DYNC2H1: variants seen among roughly 807,000 people sequenced by gnomAD.
DYNC2H1 encodes cytoplasmic dynein 2 heavy chain 1.
DYNC2H1 carries 410 observed loss-of-function variants against 570.0 expected under a neutral mutation model. The observed-to-expected ratio is 0.72, with a 90% CI of 0.66 to 0.78. The LOEUF is 0.78. DYNC2H1 is among the 30% of genes least tolerant of loss of function. The probability of loss-of-function intolerance (pLI) is 0.00; values close to 1 mark genes in which losing one functional copy is unlikely to be tolerated. For missense variants in DYNC2H1, 4,865 were observed against 5,046.4 expected (o/e 0.96, Z 1.09); for synonymous variants, 1,688 against 1,677.6 (o/e 1.01, Z -0.15).
At chr11:103,420,688 G>T (rs1373081191) in intron 84 of DYNC2H1, among the ~76,000 whole-genome samples, 1 of 152,158 alleles carries the variant, frequency 6.6e-6, no homozygotes, top group East Asian at 1.9e-4. Context: ...GAGGGAATTG[G>T]TCATCACCAG....
chr11:103,391,597 T>C (rs1942153695), intron 83 of DYNC2H1, among the ~76,000 whole-genome samples: 1 of 152,228 alleles, frequency 6.6e-6, no homozygotes. Flanking sequence ...TTTCAGCTTT[T>C]CTGCTCTGTT....
At chr11:103,451,277 T>TA (rs1387402487) in intron 85 of DYNC2H1, among the ~76,000 whole-genome samples, 1 of 151,808 alleles carries the variant, frequency 6.6e-6, no homozygotes, top group Non-Finnish European at 1.5e-5. Flanking sequence ...ATGTCTTCAT[T>TA]ATTCCCTTAA....
intron 30 of DYNC2H1, 76 bp from the exon 31 acceptor site, chr11:103,165,822 G>T (rs1185252282): frequency 1.6e-6 from 2 of 1,226,430 alleles, no homozygotes; most frequent in African/African-American, 3.1e-5. Flanking sequence ...TTGAAAAAAG[G>T]TGCCTTTCTT....
chr11:103,240,001 T>A (rs1397720473), intron 63 of DYNC2H1, among the ~76,000 whole-genome samples: 1 of 149,864 alleles, frequency 6.7e-6, no homozygotes, highest in Non-Finnish European at 1.5e-5. Context: ...CAGCTCAAAA[T>A]TTATCAGCCT....
intron 87 of DYNC2H1, among the ~76,000 whole-genome samples, chr11:103,462,947 A>T (rs909452429): frequency 1.8e-4 from 28 of 152,226 alleles, no homozygotes; most frequent in African/African-American, 6.8e-4. Context: ...GTACAGCTTT[A>T]TGAATTTTCA....
intron 52 of DYNC2H1, among the ~76,000 whole-genome samples, chr11:103,208,564 T>A (rs1479420140): frequency 6.6e-6 from 1 of 152,006 alleles, no homozygotes; most frequent in Non-Finnish European, 1.5e-5. Context: ...AACATTGTAG[T>A]GGGAAATATC....
intron 17 of DYNC2H1, among the ~76,000 whole-genome samples, chr11:103,141,718 G>A (rs2435921): frequency 0.68 from 103,627 of 152,110 alleles, 36,145 homozygotes; most frequent in East Asian, 0.77. Context: ...GCTGCATGCT[G>A]GGAGAACTAT....
In DYNC2H1 at chr11:103,186,162, G is replaced by T; in HGVS notation, c.6634-80G>T. 7.4e-7 allele frequency: 1 copy of T among 1,359,228 alleles called. No individual in the cohort carries two copies. 84.2% of individuals were successfully genotyped at this position (1,359,228 alleles called of 1,614,324 possible). A position where few individuals can be genotyped will look rare whatever the true frequency, so the allele number is the denominator to read the frequency against. On this transcript the variant is annotated intron_variant, in intron 41 of 88. Transcript: ENST00000375735. This position sits in a 1 kb window ranked among gnomAD's most constrained non-coding sequence, Gnocchi z 4.5. ...CTTGGAACTAAGATGATTTACTTTTGGGATATTTACTTGGAAGAATTTTAA... is the reference window on the plus strand; with the variant it reads ...CTTGGAACTAAGATGATTTACTTTTTGGATATTTACTTGGAAGAATTTTAA...
chr11:103,140,889 G>T (rs1263656749), intron 17 of DYNC2H1, among the ~76,000 whole-genome samples: 1 of 151,960 alleles, frequency 6.6e-6, no homozygotes, highest in African/African-American at 2.4e-5. Context: ...TGTTTCTTGG[G>T]GGCTTTGCTC....
In DYNC2H1 at chr11:103,187,349, C is replaced by T. The variant is rs758579924; in HGVS notation, c.6903C>T (p.Leu2301=). 1 of 1,612,804 alleles carries T rather than the reference C, an allele frequency of 6.2e-7. No homozygotes were observed. Among genetic ancestry groups the T allele is most frequent in the South Asian group, 1.1e-5 (1 of 91,020 alleles). Residue 2301 remains leucine, a synonymous_variant, in exon 43 of 89, where the codon CTC becomes CTT. Transcript: ENST00000375735. Reference sequence around the variant, plus strand: ...CATGCATTTTTCGTAGGATGCTGCTCAGGTACGCATTTTCACAACTCCGGT... The same window carrying T: ...CATGCATTTTTCGTAGGATGCTGCTTAGGTACGCATTTTCACAACTCCGGT... The part of the protein sequence containing the change: ...GPEGCGKGML[L]RYAFSQLRST...
chr11:103,158,645 T>C, intron 26 of DYNC2H1, 32 bp from the exon 27 acceptor site: 1 of 1,497,692 alleles, frequency 6.7e-7, no homozygotes. Context: ...ATTGTTAAAG[T>C]AGATGTGAAG....
chr11:103,298,931 A>G (rs138341111), intron 75 of DYNC2H1, among the ~76,000 whole-genome samples: 12 of 152,270 alleles, frequency 7.9e-5, no homozygotes, highest in Non-Finnish European at 1.3e-4. Context: ...CCTGTTTAAT[A>G]TGATTCTACA....
intron 60 of DYNC2H1, among the ~76,000 whole-genome samples, chr11:103,231,556 T>C (rs1191248412): frequency 6.7e-6 from 1 of 149,664 alleles, no homozygotes; most frequent in Non-Finnish European, 1.5e-5. Context: ...TAAAAAAATT[T>C]CTTCATGCAA....
At chr11:103,282,150 T>C in intron 71 of DYNC2H1, 29 bp from the exon 72 acceptor site, 1 of 1,594,066 alleles carries the variant, frequency 6.3e-7, no homozygotes, top group South Asian at 1.2e-5. Flanking sequence ...ATTTTTATAT[T>C]TTTGTGTTCC....
At chr11:103,179,255 T>C in intron 39 of DYNC2H1, 22 bp downstream of exon 39, 3 of 1,602,802 alleles carry the variant, frequency 1.9e-6, no homozygotes, top group East Asian at 2.2e-5. Flanking sequence ...ATTATTTATA[T>C]ACAGTATATT....
rs929664755 is a variant in DYNC2H1 at position 103,163,194 on chromosome 11, A to G, written c.4611+47A>G. 1.1e-5 allele frequency: 17 copies of G among 1,548,758 alleles called. No homozygotes were observed. The highest frequency in any genetic ancestry group is 1.4e-5 in the Non-Finnish European group (16 of 1,146,292). The stretch of plus-strand genomic sequence containing the variant: ...AGCTACATAGGCATGGAACGTGGAA[A>G]GATCCCTGACCTAGAAGCCAGGAGG... On this transcript the variant is annotated intron_variant, in intron 30 of 88. Transcript: ENST00000375735. This position sits in a 1 kb window ranked among gnomAD's most constrained non-coding sequence, Gnocchi z 4.6.
At chr11:103,385,130 A>G (rs1330001234) in intron 83 of DYNC2H1, among the ~76,000 whole-genome samples, 1 of 152,078 alleles carries the variant, frequency 6.6e-6, no homozygotes, top group Non-Finnish European at 1.5e-5. Context: ...GAGATTGGGT[A>G]TGGAATTGTG....
intron 82 of DYNC2H1, among the ~76,000 whole-genome samples, chr11:103,356,514 CTTATTT>C (rs1940349071): frequency 6.6e-6 from 1 of 151,446 alleles, no homozygotes; most frequent in Non-Finnish European, 1.5e-5. Flanking sequence ...TCTTTGCAGT[CTTATTT>C]GTTTTCTGTC....
chr11:103,370,458 C>T (rs745354630), intron 83 of DYNC2H1, among the ~76,000 whole-genome samples: 48 of 152,126 alleles, frequency 3.2e-4, no homozygotes, highest in Non-Finnish European at 5.6e-4. Flanking sequence ...TTGTAAAACC[C>T]CAGGGCCTTG....
Sources: gnomAD v4.1 joint callset for allele counts (sites outside exome capture counted in the v4.1 genomes callset) on GRCh38, gnomAD v4.1.1 for gene constraint, Gnocchi (gnomAD v3.1) non-coding constraint, MANE v1.5 for transcripts, NCBI Gene and HGNC (gene_info 2026-07-23, HGNC 2026-07-21) for gene names.